Variants in CYRIA observed in about 807,000 individuals in gnomAD.
CYRIA encodes the protein CYFIP-related Rac1 interactor A.
Under a neutral mutation model 43.9 loss-of-function variants are expected in CYRIA, and 15 were observed. That is an observed-to-expected ratio of 0.34 (90% CI 0.23 to 0.53). The LOEUF is 0.53. Ranked by LOEUF, CYRIA falls within the 20% of genes least tolerant of loss-of-function variation. CYRIA has a pLI of 0.94. For missense variants in CYRIA, 236 were observed against 394.2 expected (o/e 0.60, Z 3.40); for synonymous variants, 117 against 136.0 (o/e 0.86, Z 0.97).
At chr2:16,617,493 GGAA>G (rs1001536993) in intron 2 of CYRIA, among the ~76,000 whole-genome samples, 4 of 152,244 alleles carry the variant, frequency 2.6e-5, no homozygotes, top group Admixed American at 1.3e-4. Flanking sequence ...AGACAGGGTT[GGAA>G]GAAGGAGAGA....
At chr2:16,604,008 C>T in intron 2 of CYRIA, among the ~76,000 whole-genome samples, 1 of 152,228 alleles carries the variant, frequency 6.6e-6, no homozygotes, top group Non-Finnish European at 1.5e-5. Flanking sequence ...GGAACACGCA[C>T]CTGGGCTATG....
chr2:16,602,342 T>C (rs1668242743), intron 2 of CYRIA, among the ~76,000 whole-genome samples: 1 of 152,128 alleles, frequency 6.6e-6, no homozygotes, highest in Non-Finnish European at 1.5e-5. Context: ...ATTTTGGGAA[T>C]AAGGAAGTCC....
At chr2:16,633,050 T>A (rs1221312790) in intron 1 of CYRIA, among the ~76,000 whole-genome samples, 2 of 152,164 alleles carry the variant, frequency 1.3e-5, no homozygotes, top group African/African-American at 4.8e-5. Context: ...AAATGCAGTT[T>A]CCATGTGAGA....
intron 2 of CYRIA, among the ~76,000 whole-genome samples, chr2:16,606,072 A>G (rs1226428558): frequency 6.6e-6 from 1 of 152,058 alleles, no homozygotes. Context: ...GATGACTCTC[A>G]ACCTCTGGCT....
At chr2:16,575,749 G>A (rs955480080) in intron 3 of CYRIA, among the ~76,000 whole-genome samples, 13 of 152,034 alleles carry the variant, frequency 8.6e-5, no homozygotes, top group Middle Eastern at 3.4e-3. Context: ...CCAGCTACTC[G>A]GGAGGCTGAC....
rs116075508 is a variant in CYRIA at position 16,633,940 on chromosome 2, A to C, written c.-166-9921T>G. ...TTTCCCAAGGTTATATAATGAGGTG[A>C]TATCAAAGGCAGGAGGAGAACCTGG... On this transcript the variant is annotated intron_variant, in intron 1 of 11. Coordinates refer to ENST00000381323, the MANE Select transcript of CYRIA (RefSeq NM_030797.4). 4.2e-3 allele frequency among the ~76,000 whole-genome samples: 635 copies of C among 152,216 alleles called. 5 individuals are homozygous for C. The highest frequency in any genetic ancestry group is 0.014 in the African/African-American group (568 of 41,532).
intron 4 of CYRIA, among the ~76,000 whole-genome samples, chr2:16,565,114 A>ATT (rs1666879642): frequency 6.6e-6 from 1 of 151,872 alleles, no homozygotes; most frequent in Non-Finnish European, 1.5e-5. Context: ...AATGGGTAAT[A>ATT]TTAATCTATA....
chr2:16,586,105 T>G (rs1667721519), intron 3 of CYRIA, among the ~76,000 whole-genome samples: 1 of 152,084 alleles, frequency 6.6e-6, no homozygotes. Flanking sequence ...CATATGAGCA[T>G]GCACAGAAGC....
At chr2:16,584,708 T>C (rs899624855) in intron 3 of CYRIA, among the ~76,000 whole-genome samples, 1 of 152,192 alleles carries the variant, frequency 6.6e-6, no homozygotes, top group Non-Finnish European at 1.5e-5. Flanking sequence ...AAATCGGACC[T>C]CTTGCTGTTC....
intron 2 of CYRIA, among the ~76,000 whole-genome samples, chr2:16,602,995 C>T (rs1668261460): frequency 6.6e-6 from 1 of 152,174 alleles, no homozygotes; most frequent in Non-Finnish European, 1.5e-5. Flanking sequence ...CTTGATCTTC[C>T]TGACACCAGT....
At chr2:16,645,159 T>C (rs1173445100) in intron 1 of CYRIA, among the ~76,000 whole-genome samples, 3 of 152,204 alleles carry the variant, frequency 2.0e-5, no homozygotes, top group Non-Finnish European at 4.4e-5. Flanking sequence ...TATAAAGGTA[T>C]TTTCACAACA....
At chr2:16,622,886 G>C (rs191232323) in intron 2 of CYRIA, 294 of 152,306 alleles carry the variant, frequency 1.9e-3, no homozygotes, top group African/African-American at 6.8e-3. Context: ...ACAAGTCTGG[G>C]ATAAGACAAT....
At chr2:16,564,670 G>GT (rs1191762423) in intron 4 of CYRIA, among the ~76,000 whole-genome samples, 1 of 152,062 alleles carries the variant, frequency 6.6e-6, no homozygotes, top group African/African-American at 2.4e-5. Context: ...GCATGTGTGC[G>GT]TATGTGTGTG....
chr2:16,562,751 A>T (rs1553339142), intron 5 of CYRIA, among the ~76,000 whole-genome samples: 1 of 152,130 alleles, frequency 6.6e-6, no homozygotes, highest in Non-Finnish European at 1.5e-5. Flanking sequence ...CAATCCTCTA[A>T]AGCAGGGATT....
At chr2:16,639,623 G>A (rs1237969211) in intron 1 of CYRIA, among the ~76,000 whole-genome samples, 7 of 152,210 alleles carry the variant, frequency 4.6e-5, no homozygotes, top group African/African-American at 1.4e-4. Flanking sequence ...TTAGCATAAC[G>A]TCCCATTGTG....
chr2:16,634,765 C>A (rs532902924), intron 1 of CYRIA, among the ~76,000 whole-genome samples: 1 of 152,202 alleles, frequency 6.6e-6, no homozygotes, highest in Non-Finnish European at 1.5e-5. Flanking sequence ...CTGGCACCAG[C>A]TCACCAGATC....
In CYRIA at chr2:16,564,007, C is replaced by G. The variant is rs371312049; in HGVS notation, c.280G>C (p.Glu94Gln). Residue 94 changes from glutamate (E) to glutamine (Q), a missense_variant, in exon 5 of 12, where the codon GAG (glutamate) becomes CAG (glutamine). Transcript: ENST00000381323. ...TACTCACCTAGTCTAATGGAAAACT[C>G]GTAAAATCTCTTTAGCCTCACAACA... The part of the protein sequence containing the change: ...PLVVRLKRFY[E>Q]FSIRLEKALQ... 41 of 1,612,874 alleles carry G rather than the reference C, an allele frequency of 2.5e-5. No homozygotes were observed. Among genetic ancestry groups the G allele is most frequent in the Non-Finnish European group, 3.2e-5 (38 of 1,179,396 alleles).
At chr2:16,625,276 G>T (rs190803233) in intron 1 of CYRIA, among the ~76,000 whole-genome samples, 40 of 152,128 alleles carry the variant, frequency 2.6e-4, no homozygotes, top group African/African-American at 9.6e-4. Flanking sequence ...CAGCAGCAGG[G>T]GCAGCAGCAA....
intron 2 of CYRIA, among the ~76,000 whole-genome samples, chr2:16,615,105 T>C (rs1300899446): frequency 6.6e-6 from 1 of 152,226 alleles, no homozygotes; most frequent in Non-Finnish European, 1.5e-5. Flanking sequence ...TTGAGTTTTC[T>C]AGGCTCTTAC....
Sources: gnomAD v4.1 joint callset for allele counts (sites outside exome capture counted in the v4.1 genomes callset) on GRCh38, gnomAD v4.1.1 for gene constraint, MANE v1.5 for transcripts, NCBI Gene and HGNC (gene_info 2026-07-23, HGNC 2026-07-21) for gene names.